TRIM55: variants seen among roughly 807,000 people sequenced by gnomAD.
The protein encoded by TRIM55 is tripartite motif-containing protein 55.
TRIM55 carries 50 observed loss-of-function variants against 60.9 expected under a neutral mutation model. The observed-to-expected ratio is 0.82, with a 90% CI of 0.65 to 1.04. The LOEUF is 1.04. Ranked by LOEUF, TRIM55 falls within the 50% of genes least tolerant of loss-of-function variation. The pLI is 0.00. For synonymous variants in TRIM55, 237 were observed against 238.1 expected (o/e 1.00, Z 0.04); for missense variants, 681 against 666.9 (o/e 1.02, Z -0.23).
chr8:66,117,622 T>C, the TRIM55 span, among the ~76,000 whole-genome samples: 1 of 151,850 alleles, frequency 6.6e-6, no homozygotes, highest in South Asian at 2.1e-4. Context: ...ATGTGACCAT[T>C]AATAGGTTTT....
chr8:66,174,675 TG>T lies in TRIM55; in HGVS notation c.*83del. ...GGAAGCCCAAGTGAAATTAATATTA[TG>T]CAGATGATGAAAGGGACCTCTGAAC... On this transcript the variant is annotated 3_prime_UTR_variant, in exon 10 of 10. Transcript: ENST00000315962. The T allele has an allele frequency of 7.1e-7, 1 of 1,405,920 alleles. No individual in the cohort carries two copies. The highest frequency in any genetic ancestry group is 1.5e-5 in the South Asian group (1 of 66,784). The allele number at this position is 1,405,920 out of a possible 1,614,324, so 87.1% of individuals were successfully genotyped here.
chr8:66,114,346 T>C, the TRIM55 span, among the ~76,000 whole-genome samples: 1 of 151,820 alleles, frequency 6.6e-6, no homozygotes, highest in Non-Finnish European at 1.5e-5. Flanking sequence ...AGGTGAAGAG[T>C]AGGGCGAGCT....
At chr8:66,114,230 A>C in the TRIM55 span, among the ~76,000 whole-genome samples, 34 of 152,130 alleles carry the variant, frequency 2.2e-4, no homozygotes, top group Non-Finnish European at 4.7e-4. Flanking sequence ...TTAGCATGCG[A>C]GAGGTAGCGG....
chr8:66,117,278 A>G, the TRIM55 span, among the ~76,000 whole-genome samples: 2 of 152,370 alleles, frequency 1.3e-5, no homozygotes, highest in East Asian at 3.9e-4. Flanking sequence ...TGCCAGGGCA[A>G]TAAAGCAAAG....
intron 9 of TRIM55, among the ~76,000 whole-genome samples, chr8:66,172,066 GGGAAGGAAGGAAGGAAAGAAGGAA>G (rs1040307301): frequency 1.3e-5 from 2 of 151,064 alleles, no homozygotes; most frequent in African/African-American, 2.5e-5. Context: ...GGGGGAAGAG[GGGAAGGAAGGAAGGAAAGAAGGAA>G]GGAAGGAAGG....
chr8:66,151,882 A>AAATT (rs1304119755), intron 7 of TRIM55, among the ~76,000 whole-genome samples: 19 of 146,224 alleles, frequency 1.3e-4, no homozygotes, highest in African/African-American at 4.5e-4. Flanking sequence ...ATAAATAAAT[A>AAATT]AATAAATAAA....
intron 4 of TRIM55, among the ~76,000 whole-genome samples, chr8:66,137,674 G>A (rs1809559761): frequency 6.6e-6 from 1 of 151,836 alleles, no homozygotes; most frequent in Admixed American, 6.6e-5. Flanking sequence ...TCAGTGGCTG[G>A]GAGCTCATGG....
At chr8:66,149,916 G>T (rs755007091) in intron 5 of TRIM55, 38 bp downstream of exon 5, 1 of 1,477,768 alleles carries the variant, frequency 6.8e-7, no homozygotes, top group Non-Finnish European at 9.4e-7. Flanking sequence ...CAACCCAAAA[G>T]GTGGGTGTTG....
chr8:66,137,823 T>C (rs78365703), intron 4 of TRIM55, among the ~76,000 whole-genome samples: 3,564 of 152,128 alleles, frequency 0.023, 147 homozygotes, highest in African/African-American at 0.08. Flanking sequence ...TAGCTCATAT[T>C]TGAGCTTGCC....
intron 9 of TRIM55, among the ~76,000 whole-genome samples, chr8:66,168,031 T>A (rs914924655): frequency 3.9e-5 from 6 of 152,234 alleles, no homozygotes; most frequent in Non-Finnish European, 4.4e-5. Context: ...ATTACAGGCA[T>A]GAGCCATCAT....
Position 66,154,271 on chromosome 8 carries a change from C to T in TRIM55, c.1461C>T (p.Ala487=), listed in dbSNP as rs575159643. Residue 487 remains alanine, a synonymous_variant, in exon 9 of 10, where the codon GCC becomes GCT. Coordinates refer to ENST00000315962, the MANE Select transcript of TRIM55 (RefSeq NM_184085.2). The part of the protein sequence containing the change: ...SNVRKAEVAA[A]AASERAAVSG... ...TACGGAAGGCAGAAGTGGCAGCAGC[C>T]GCAGCGAGTGAGAGGGCAGCTGTGA... The T allele has an allele frequency of 1.1e-5, 18 of 1,614,056 alleles. No individual in the cohort carries two copies. The highest frequency in any genetic ancestry group is 3.3e-4 in the Middle Eastern group (2 of 6,062).
chr8:66,153,762 A>G (rs2128981650), intron 8 of TRIM55, among the ~76,000 whole-genome samples: 1 of 152,280 alleles, frequency 6.6e-6, no homozygotes, highest in East Asian at 1.9e-4. Context: ...TTTATAACCA[A>G]CATTCACTGA....
intron 4 of TRIM55, among the ~76,000 whole-genome samples, chr8:66,145,619 C>G (rs1408210042): frequency 6.6e-6 from 1 of 151,786 alleles, no homozygotes; most frequent in African/African-American, 2.4e-5. Flanking sequence ...AGATGCCTTG[C>G]CTTTAAAAAA....
chr8:66,114,123 C>CT, the TRIM55 span, among the ~76,000 whole-genome samples: 2 of 128,288 alleles, frequency 1.6e-5, no homozygotes, highest in African/African-American at 5.8e-5. Context: ...CCAAAAAAGT[C>CT]TGTCTTCAGC....
the TRIM55 span, chr8:66,113,730 CG>C: frequency 1.6e-5 from 6 of 366,504 alleles, no homozygotes; most frequent in Non-Finnish European, 3.3e-5. Context: ...TGGCATTGCC[CG>C]GGCCCCGAGT....
chr8:66,169,239 T>C (rs1586261585), intron 9 of TRIM55, among the ~76,000 whole-genome samples: 1 of 152,148 alleles, frequency 6.6e-6, no homozygotes, highest in African/African-American at 2.4e-5. Flanking sequence ...TGGGGTGAGA[T>C]GCATTTGGGG....
Position 66,174,855 on chromosome 8 carries a change from A to C in TRIM55, c.*262A>C. ...CTTCTATTGTGTGGAAAATGTTGTGAAGGGTGTGTAGGTGTGGTACATGTG... is the reference window on the plus strand; with the variant it reads ...CTTCTATTGTGTGGAAAATGTTGTGCAGGGTGTGTAGGTGTGGTACATGTG... On this transcript the variant is annotated 3_prime_UTR_variant, in exon 10 of 10. Coordinates refer to ENST00000315962, the MANE Select transcript of TRIM55 (RefSeq NM_184085.2). 1 of 258,370 alleles carries C rather than the reference A, an allele frequency of 3.9e-6. No individual in the cohort carries two copies. Among genetic ancestry groups the C allele is most frequent in the Non-Finnish European group, 7.4e-6 (1 of 136,030 alleles). 16.0% of individuals were successfully genotyped at this position (258,370 alleles called of 1,614,324 possible). A position where few individuals can be genotyped will look rare whatever the true frequency, so the allele number is the denominator to read the frequency against.
chr8:66,144,103 C>T (rs912978132), intron 4 of TRIM55, among the ~76,000 whole-genome samples: 6 of 152,126 alleles, frequency 3.9e-5, no homozygotes, highest in African/African-American at 1.4e-4. Context: ...AAATTGGAGT[C>T]TGCCAATTTT....
intron 9 of TRIM55, among the ~76,000 whole-genome samples, chr8:66,157,102 T>C (rs1810785460): frequency 6.6e-6 from 1 of 152,126 alleles, no homozygotes; most frequent in South Asian, 2.1e-4. Flanking sequence ...TACATATATG[T>C]CTTGTATTGC....
Sources: gnomAD v4.1 joint callset for allele counts (sites outside exome capture counted in the v4.1 genomes callset) on GRCh38, gnomAD v4.1.1 for gene constraint, MANE v1.5 for transcripts, NCBI Gene and HGNC (gene_info 2026-07-23, HGNC 2026-07-21) for gene names.